Variants in XXYLT1 observed in about 807,000 individuals in gnomAD.
The protein encoded by XXYLT1 is UDP-xylose:alpha-xyloside alpha-1,3-xylosyltransferase.
XXYLT1 carries 20 observed loss-of-function variants against 28.9 expected under a neutral mutation model. The observed-to-expected ratio is 0.69, with a 90% CI of 0.49 to 1.00. The LOEUF (loss-of-function observed/expected upper bound fraction) is 1.00, where lower values mean the gene tolerates loss of function less well. Ranked by LOEUF, XXYLT1 falls within the 50% of genes least tolerant of loss-of-function variation. XXYLT1 has a pLI of 0.00. For missense variants in XXYLT1, 542 were observed against 560.1 expected (o/e 0.97, Z 0.33); for synonymous variants, 257 against 253.8 (o/e 1.01, Z -0.12).
intron 1 of XXYLT1, among the ~76,000 whole-genome samples, chr3:195,253,118 G>A (rs903047840): frequency 8.5e-5 from 13 of 152,168 alleles, no homozygotes; most frequent in African/African-American, 2.2e-4. Flanking sequence ...CCAGCTGCCC[G>A]CTTTTCTCCA....
intron 2 of XXYLT1, among the ~76,000 whole-genome samples, chr3:195,220,443 C>T (rs962443954): frequency 1.6e-4 from 24 of 152,172 alleles, no homozygotes; most frequent in African/African-American, 5.3e-4. Context: ...CTCGCCCGGC[C>T]GGGCCCATGC....
intron 3 of XXYLT1, among the ~76,000 whole-genome samples, chr3:195,102,656 G>C (rs187862669): frequency 2.7e-5 from 4 of 150,676 alleles, no homozygotes; most frequent in African/African-American, 9.9e-5. Context: ...GTAATATTCC[G>C]TTTTGTGTGT....
At chr3:195,153,478 A>G (rs942032341) in intron 3 of XXYLT1, among the ~76,000 whole-genome samples, 1 of 152,174 alleles carries the variant, frequency 6.6e-6, no homozygotes, top group Admixed American at 6.5e-5. Flanking sequence ...GAAAAGGAGT[A>G]TAAGTCTCTG....
At chr3:195,070,385 G>A (rs750626742) in intron 3 of XXYLT1, among the ~76,000 whole-genome samples, 2 of 151,808 alleles carry the variant, frequency 1.3e-5, no homozygotes, top group Admixed American at 6.6e-5. Flanking sequence ...ATACTAGACC[G>A]GCTTACTTAC....
chr3:195,107,815 G>C (rs1717235596), intron 3 of XXYLT1, among the ~76,000 whole-genome samples: 1 of 151,878 alleles, frequency 6.6e-6, no homozygotes, highest in African/African-American at 2.4e-5. Flanking sequence ...GGCCAACTTG[G>C]TAGAGACACC....
rs1725499070 is a variant in XXYLT1, at chr3:195,256,892, C to G, written c.504+13663G>C. 1.3e-5 allele frequency among the ~76,000 whole-genome samples: 2 copies of G among 152,172 alleles called. No homozygotes were observed. The highest frequency in any genetic ancestry group is 4.8e-5 in the African/African-American group (2 of 41,444). ...CTGCCAGCCGGGGCTCTAGGCAGAC[C>G]AAGCAACCTTCCCAGGGCTCTCAGG... On this transcript the variant is annotated intron_variant, in intron 1 of 3. Transcript: ENST00000310380. The surrounding 1 kb of genome is among the most constrained non-coding windows in gnomAD (Gnocchi z 4.2).
chr3:195,097,798 C>T (rs904494642), intron 3 of XXYLT1, among the ~76,000 whole-genome samples: 1 of 152,100 alleles, frequency 6.6e-6, no homozygotes, highest in Non-Finnish European at 1.5e-5. Flanking sequence ...GGAGAAAAGA[C>T]CCTCACACAA....
Position 195,257,613 on chromosome 3 carries a change from A to G in XXYLT1, c.504+12942T>C, listed in dbSNP as rs1282860224. 1.3e-5 allele frequency among the ~76,000 whole-genome samples: 2 copies of G among 152,100 alleles called. No individual in the cohort carries two copies. Among genetic ancestry groups the G allele is most frequent in the East Asian group, 3.9e-4 (2 of 5,166 alleles). On this transcript the variant is annotated intron_variant, in intron 1 of 3. Transcript: ENST00000310380. The surrounding 1 kb of genome is among the most constrained non-coding windows in gnomAD (Gnocchi z 4.3). ...GTGGATCACCATGGCAGCCAGGTAC[A>G]TCCTGGCTGGGCCGGCACGGGCCCC...
chr3:195,099,520 A>G (rs1332983018), intron 3 of XXYLT1, among the ~76,000 whole-genome samples: 1 of 152,204 alleles, frequency 6.6e-6, no homozygotes, highest in East Asian at 1.9e-4. Context: ...AGACAGAACC[A>G]TCTGACGAAG....
chr3:195,109,242 C>T (rs1577035940), intron 3 of XXYLT1, among the ~76,000 whole-genome samples: 1 of 152,252 alleles, frequency 6.6e-6, no homozygotes, highest in Non-Finnish European at 1.5e-5. Flanking sequence ...CAGCAGAGGC[C>T]GACAGCCCAG....
intron 3 of XXYLT1, among the ~76,000 whole-genome samples, chr3:195,082,228 A>G (rs1422604464): frequency 6.6e-6 from 1 of 152,172 alleles, no homozygotes; most frequent in Non-Finnish European, 1.5e-5. Flanking sequence ...GGCAACCACT[A>G]TGCTTATTTG....
intron 1 of XXYLT1, among the ~76,000 whole-genome samples, chr3:195,253,693 TTC>T (rs1402077985): frequency 6.6e-6 from 1 of 152,086 alleles, no homozygotes; most frequent in East Asian, 1.9e-4. Context: ...GAGACGGGGT[TTC>T]ACTATGTTGG....
intron 1 of XXYLT1, among the ~76,000 whole-genome samples, chr3:195,264,610 T>C (rs993473843): frequency 1.3e-5 from 2 of 152,214 alleles, no homozygotes; most frequent in Non-Finnish European, 2.9e-5. Context: ...TAAAAATCCA[T>C]CTCCTATACA....
chr3:195,179,796 G>T (rs918296540), intron 2 of XXYLT1, among the ~76,000 whole-genome samples: 1 of 152,078 alleles, frequency 6.6e-6, no homozygotes, highest in African/African-American at 2.4e-5. Flanking sequence ...ACTTGCAGCC[G>T]TAGAGATGTG....
chr3:195,122,056 C>G (rs60922537), intron 3 of XXYLT1: 143,175 of 702,790 alleles, frequency 0.2, 19,678 homozygotes, highest in East Asian at 0.49. Flanking sequence ...CCAAGACCAA[C>G]GTGCCCACTG....
chr3:195,097,214 G>A (rs781004752), intron 3 of XXYLT1, among the ~76,000 whole-genome samples: 3 of 152,246 alleles, frequency 2.0e-5, no homozygotes, highest in Admixed American at 1.3e-4. Flanking sequence ...AGCAGGCTCA[G>A]TGCTGAGTTG....
chr3:195,219,274 C>A (rs762140140), intron 2 of XXYLT1, among the ~76,000 whole-genome samples: 7 of 152,150 alleles, frequency 4.6e-5, no homozygotes, highest in Non-Finnish European at 1.0e-4. Flanking sequence ...ATGTAACTAA[C>A]CTGCACAATG....
At chr3:195,244,654 C>G (rs545760600) in intron 1 of XXYLT1, among the ~76,000 whole-genome samples, 309 of 145,886 alleles carry the variant, frequency 2.1e-3, no homozygotes, top group African/African-American at 7.6e-3. Context: ...CCCAGCTACT[C>G]GGGAGGCTGA....
chr3:195,165,096 C>T (rs1046342848), intron 2 of XXYLT1, among the ~76,000 whole-genome samples: 5 of 152,120 alleles, frequency 3.3e-5, no homozygotes, highest in Non-Finnish European at 7.4e-5. Context: ...CCTTGGCTAC[C>T]TCTTTCGTGT....
Sources: gnomAD v4.1 joint callset for allele counts (sites outside exome capture counted in the v4.1 genomes callset) on GRCh38, gnomAD v4.1.1 for gene constraint, Gnocchi (gnomAD v3.1) non-coding constraint, MANE v1.5 for transcripts, NCBI Gene and HGNC (gene_info 2026-07-23, HGNC 2026-07-21) for gene names.